The following RGL1 variants were observed in gnomAD, a reference collection of about 807,000 sequenced individuals.
RGL1 encodes ral guanine nucleotide dissociation stimulator like 1.
A neutral mutation model predicts 95.2 loss-of-function variants in RGL1; 24 were observed. The observed-to-expected ratio is 0.25, with a 90% CI of 0.18 to 0.35. The LOEUF (loss-of-function observed/expected upper bound fraction) is 0.35. Among genes scored for constraint, RGL1 ranks in the 10% least tolerant of loss-of-function variants. RGL1 has a pLI of 1.00. For missense variants in RGL1, 715 were observed against 936.3 expected (o/e 0.76, Z 3.08); for synonymous variants, 329 against 344.9 (o/e 0.95, Z 0.51).
intron 2 of RGL1, among the ~76,000 whole-genome samples, chr1:183,840,626 G>A (rs934751828): frequency 6.6e-6 from 1 of 152,044 alleles, no homozygotes; most frequent in Non-Finnish European, 1.5e-5. Flanking sequence ...ACTTTGAGAG[G>A]CCAAGGTGGG....
chr1:183,812,637 G>C (rs561080738), intron 2 of RGL1, among the ~76,000 whole-genome samples: 2 of 152,320 alleles, frequency 1.3e-5, no homozygotes, highest in South Asian at 2.1e-4. Flanking sequence ...ATTGCTAGGG[G>C]AGCCCAGAAT....
At chr1:183,833,382 A>G (rs1285794869) in intron 2 of RGL1, among the ~76,000 whole-genome samples, 1 of 152,174 alleles carries the variant, frequency 6.6e-6, no homozygotes, top group Non-Finnish European at 1.5e-5. Flanking sequence ...AAGGGTAATC[A>G]ATAGAGATTC....
intron 8 of RGL1, among the ~76,000 whole-genome samples, chr1:183,890,211 C>T (rs773588257): frequency 1.3e-4 from 20 of 152,144 alleles, no homozygotes; most frequent in South Asian, 4.2e-4. Flanking sequence ...CTGATTGCCA[C>T]GAAAGGTAAT....
intron 2 of RGL1, among the ~76,000 whole-genome samples, chr1:183,830,916 T>C (rs1378859684): frequency 6.6e-6 from 1 of 152,192 alleles, no homozygotes; most frequent in African/African-American, 2.4e-5. Context: ...TGAATTCAGA[T>C]TTAAAAATAA....
At chr1:183,830,256 T>C (rs1663169265) in intron 2 of RGL1, among the ~76,000 whole-genome samples, 1 of 152,178 alleles carries the variant, frequency 6.6e-6, no homozygotes, top group Admixed American at 6.5e-5. Context: ...TCTTATAAGT[T>C]CAGACACCTC....
chr1:183,881,437 G>T (rs751959492), intron 5 of RGL1, among the ~76,000 whole-genome samples: 1 of 152,228 alleles, frequency 6.6e-6, no homozygotes, highest in Non-Finnish European at 1.5e-5. Flanking sequence ...CTATTTGCAA[G>T]GACAAAGGAA....
intron 2 of RGL1, among the ~76,000 whole-genome samples, chr1:183,821,611 T>C (rs16861546): frequency 0.056 from 8,483 of 152,146 alleles, 804 homozygotes; most frequent in African/African-American, 0.19. Context: ...ATTCTGGGAC[T>C]CTTCAACTAG....
At chr1:183,842,220 A>C (rs1664102613) in intron 2 of RGL1, among the ~76,000 whole-genome samples, 1 of 152,100 alleles carries the variant, frequency 6.6e-6, no homozygotes, top group South Asian at 2.1e-4. Context: ...TATACTGAAG[A>C]GTGATCATGG....
At chr1:183,711,039 C>G (rs906260075) in intron 1 of RGL1, among the ~76,000 whole-genome samples, 1 of 152,138 alleles carries the variant, frequency 6.6e-6, no homozygotes, top group Non-Finnish European at 1.5e-5. Flanking sequence ...TCTGCTTTAC[C>G]CTTCTTTGAA....
At chr1:183,648,236 C>G in intron 1 of RGL1, 2 of 1,614,110 alleles carry the variant, frequency 1.2e-6, no homozygotes, top group Non-Finnish European at 1.7e-6. Context: ...AAACAACCCG[C>G]GGCCATAAGC....
intron 14 of RGL1, 110 bp downstream of exon 14, chr1:183,907,211 C>G (rs1370015657): frequency 2.9e-6 from 2 of 679,594 alleles, no homozygotes; most frequent in African/African-American, 1.8e-5. Flanking sequence ...AAGAGCACTC[C>G]GCTCATTTGT....
In RGL1 at chr1:183,897,682, T is replaced by C. The variant is rs1667780980; in HGVS notation, c.1141-126T>C. The C allele has an allele frequency of 1.1e-5, 7 of 640,742 alleles. 1 individual carries two copies. Among genetic ancestry groups the C allele is most frequent in the Non-Finnish European group, 1.9e-5 (7 of 366,958 alleles). 39.7% of individuals were successfully genotyped at this position (640,742 alleles called of 1,614,324 possible). A position where few individuals can be genotyped will look rare whatever the true frequency, so the allele number is the denominator to read the frequency against. On this transcript the variant is annotated intron_variant, in intron 9 of 17. Coordinates refer to ENST00000360851, the MANE Select transcript of RGL1 (RefSeq NM_001297671.3). ...ATCGTGAGAGCCTGCTGGAGGCCTC[T>C]TCATTTTGCATGGTGTTCCGAGCGA...
intron 2 of RGL1, among the ~76,000 whole-genome samples, chr1:183,792,961 A>G (rs1430239009): frequency 6.6e-6 from 1 of 152,184 alleles, no homozygotes; most frequent in Non-Finnish European, 1.5e-5. Context: ...TAAAATTTGT[A>G]TGTAACAACA....
rs547631433 is a variant in RGL1, at chr1:183,754,944, C to T, written c.132+12655C>T. Reference sequence around the variant, plus strand: ...GCTTTTAAGAGTTCTTAATTTTTTGCCAGCCTGTCATGTATTAAAAAAGAT... The same window carrying T: ...GCTTTTAAGAGTTCTTAATTTTTTGTCAGCCTGTCATGTATTAAAAAAGAT... On this transcript the variant is annotated intron_variant, in intron 2 of 18. Coordinates refer to the RGL1 transcript ENST00000304685. The T allele has an allele frequency of 3.3e-5, 5 of 152,142 alleles. No individual in the cohort carries two copies. In the East Asian group the frequency reaches 9.6e-4, roughly 29 times the overall value. The allele number at this position is 152,142 out of a possible 1,614,324, so 9.4% of individuals were successfully genotyped here. A position where few individuals can be genotyped will look rare whatever the true frequency, so the allele number is the denominator to read the frequency against.
intron 2 of RGL1, among the ~76,000 whole-genome samples, chr1:183,789,598 G>C (rs1331594733): frequency 1.3e-5 from 2 of 152,174 alleles, no homozygotes; most frequent in Non-Finnish European, 2.9e-5. Flanking sequence ...TGGAATCAGA[G>C]TATATCAGAG....
At chr1:183,868,159 AC>A (rs1010805550) in intron 4 of RGL1, among the ~76,000 whole-genome samples, 2 of 152,194 alleles carry the variant, frequency 1.3e-5, no homozygotes, top group African/African-American at 4.8e-5. Flanking sequence ...AAACAGTGGG[AC>A]CAAATTGGGC....
intron 3 of RGL1, among the ~76,000 whole-genome samples, chr1:183,848,228 T>C (rs912876540): frequency 2.0e-5 from 3 of 152,172 alleles, no homozygotes; most frequent in Non-Finnish European, 4.4e-5. Context: ...GCGATGATGA[T>C]GATAACTATT....
intron 2 of RGL1, among the ~76,000 whole-genome samples, chr1:183,777,270 C>G (rs1331362875): frequency 1.3e-5 from 2 of 152,186 alleles, no homozygotes; most frequent in Non-Finnish European, 2.9e-5. Context: ...CATTTTCTTG[C>G]ATCAGATGGA....
At chr1:183,651,344 TATC>T (rs1234294007) in intron 1 of RGL1, among the ~76,000 whole-genome samples, 1 of 152,240 alleles carries the variant, frequency 6.6e-6, no homozygotes, top group Admixed American at 6.5e-5. Context: ...AAATCTCACT[TATC>T]ATATCACAAG....
Sources: gnomAD v4.1 joint callset for allele counts (sites outside exome capture counted in the v4.1 genomes callset) on GRCh38, gnomAD v4.1.1 for gene constraint, MANE v1.5 for transcripts, NCBI Gene and HGNC (gene_info 2026-07-23, HGNC 2026-07-21) for gene names.